POLR3B: variants seen among roughly 807,000 people sequenced by gnomAD.
POLR3B encodes DNA-directed RNA polymerase III subunit RPC2.
In POLR3B, 96 loss-of-function variants were observed where a neutral mutation model predicts 147.4. The ratio of observed to expected loss-of-function variants is 0.65; its 90% confidence interval spans 0.55 to 0.77. POLR3B has a LOEUF of 0.77. Among genes scored for constraint, POLR3B ranks in the 30% least tolerant of loss-of-function variants. POLR3B has a pLI of 0.00. For missense variants in POLR3B, 1,036 were observed against 1,413.5 expected (o/e 0.73, Z 4.28); for synonymous variants, 461 against 485.9 (o/e 0.95, Z 0.67).
chr12:106,490,712 C>T (rs922581047), intron 23 of POLR3B, among the ~76,000 whole-genome samples: 7 of 152,114 alleles, frequency 4.6e-5, no homozygotes, highest in South Asian at 2.1e-4. Flanking sequence ...AGGGGAAGAA[C>T]GGAATAACCA....
At chr12:106,430,546 G>T in intron 14 of POLR3B, 73 bp downstream of exon 14, 2 of 1,209,238 alleles carry the variant, frequency 1.7e-6, no homozygotes, top group Non-Finnish European at 2.4e-6. Flanking sequence ...GGGGTGGGGA[G>T]GTCTGCTTCT....
At chr12:106,414,826 C>T (rs916333036) in intron 12 of POLR3B, among the ~76,000 whole-genome samples, 1 of 152,128 alleles carries the variant, frequency 6.6e-6, no homozygotes, top group Non-Finnish European at 1.5e-5. Flanking sequence ...TAATAAGATG[C>T]CCCAGATATA....
At chr12:106,426,839 T>TCCCCCCCCCC (rs67180409) in intron 12 of POLR3B, among the ~76,000 whole-genome samples, 3 of 25,290 alleles carry the variant, frequency 1.2e-4, no homozygotes, top group Non-Finnish European at 2.1e-4. Context: ...TTCTCCACCG[T>TCCCCCCCCCC]CCCCCCCCCC....
intron 9 of POLR3B, among the ~76,000 whole-genome samples, chr12:106,392,544 GTTTTAGGAAAAATTCTTTTCCT>G (rs1463019002): frequency 1.3e-5 from 2 of 152,176 alleles, no homozygotes; most frequent in Admixed American, 1.3e-4. Flanking sequence ...GGTAAAACGT[GTTTTAGGAAAAATTCTTTTCCT>G]TTTTAGGAAA....
intron 23 of POLR3B, among the ~76,000 whole-genome samples, chr12:106,480,521 G>A (rs2038252027): frequency 6.6e-6 from 1 of 152,124 alleles, no homozygotes; most frequent in African/African-American, 2.4e-5. Flanking sequence ...TCAGTGCATA[G>A]ACTTTAATTC....
chr12:106,425,111 T>C (rs1180198378), intron 12 of POLR3B, among the ~76,000 whole-genome samples: 1 of 152,228 alleles, frequency 6.6e-6, no homozygotes, highest in African/African-American at 2.4e-5. Flanking sequence ...TTATTTATCT[T>C]GTCCTATGGA....
In POLR3B at chr12:106,357,942, G is replaced by A. The variant is rs762535171; in HGVS notation, c.63G>A (p.Pro21=). 6.2e-7 allele frequency: 1 copy of A among 1,612,924 alleles called. No individual in the cohort carries two copies. Among genetic ancestry groups the A allele is most frequent in the Non-Finnish European group, 8.5e-7 (1 of 1,179,924 alleles). The change falls in exon 1 of 28, where the codon CCG becomes CCA. Residue 21 remains proline, a synonymous_variant. Transcript: ENST00000228347. The part of the protein sequence containing the change: ...LTPEQLAAPI[P]TVEEKWRLLP... ...CGGAGCAGCTGGCGGCGCCGATCCC[G>A]ACTGTAGAGGTCAGTGCCAGGCACG...
At chr12:106,499,986 C>A (rs1003044194) in intron 25 of POLR3B, 16 of 421,944 alleles carry the variant, frequency 3.8e-5, no homozygotes, top group Non-Finnish European at 7.6e-5. Context: ...TGCTGTACCC[C>A]AGAGTTTACT....
intron 23 of POLR3B, among the ~76,000 whole-genome samples, chr12:106,480,398 G>T (rs903352600): frequency 3.3e-5 from 5 of 152,178 alleles, no homozygotes; most frequent in Non-Finnish European, 7.3e-5. Flanking sequence ...AACATACTAG[G>T]ATCTTTCTAA....
intron 23 of POLR3B, among the ~76,000 whole-genome samples, chr12:106,469,695 T>TAA (rs1488598137): frequency 6.6e-6 from 1 of 152,198 alleles, no homozygotes; most frequent in Non-Finnish European, 1.5e-5. Context: ...ATTTTATTTC[T>TAA]CCTTCACTTA....
At chr12:106,503,718 G>T (rs116030013) in intron 26 of POLR3B, among the ~76,000 whole-genome samples, 1 of 152,148 alleles carries the variant, frequency 6.6e-6, no homozygotes. Flanking sequence ...TAAAGACATT[G>T]TTTCCTGATT....
At chr12:106,378,811 ACC>A (rs2036717959) in intron 8 of POLR3B, among the ~76,000 whole-genome samples, 1 of 152,016 alleles carries the variant, frequency 6.6e-6, no homozygotes, top group Non-Finnish European at 1.5e-5. Flanking sequence ...TGGACTTAAC[ACC>A]CTATTGTTAG....
At chr12:106,434,693 C>T (rs2037553453) in intron 16 of POLR3B, among the ~76,000 whole-genome samples, 1 of 152,084 alleles carries the variant, frequency 6.6e-6, no homozygotes, top group African/African-American at 2.4e-5. Context: ...CTGTGTATAC[C>T]TCGGGTAGTG....
chr12:106,433,858 G>A lies in POLR3B; in HGVS notation c.1767G>A (p.Gly589=). The A allele has an allele frequency of 6.2e-7, 1 of 1,613,420 alleles. No homozygotes were observed. Among genetic ancestry groups the A allele is most frequent in the Non-Finnish European group, 8.5e-7 (1 of 1,179,526 alleles). Residue 589 remains glycine, a synonymous_variant, in exon 16 of 28, where the codon GGG becomes GGA. Transcript: ENST00000228347. ...GATGTGTCTATATTTCTTCTGATGGGGGAAGGCTATGCAGGTATATATGCA... is the reference window on the plus strand; with the variant it reads ...GATGTGTCTATATTTCTTCTGATGGAGGAAGGCTATGCAGGTATATATGCA... ...TDRCVYISSD[G]GRLCRPYIIV... is the part of the protein sequence containing the mutation.
chr12:106,369,197 A>G (rs1372555774), intron 4 of POLR3B, 78 bp from the exon 5 acceptor site: 6 of 812,098 alleles, frequency 7.4e-6, no homozygotes, highest in Non-Finnish European at 1.3e-5. Flanking sequence ...TAATCTTTGT[A>G]TTTGGAAGGA....
intron 12 of POLR3B, among the ~76,000 whole-genome samples, chr12:106,425,075 T>G (rs2037418884): frequency 6.6e-6 from 1 of 152,232 alleles, no homozygotes; most frequent in African/African-American, 2.4e-5. Flanking sequence ...TTTTATTGCT[T>G]CTTTTCCAAT....
At chr12:106,371,785 G>A (rs2036610982) in intron 6 of POLR3B, among the ~76,000 whole-genome samples, 1 of 129,342 alleles carries the variant, frequency 7.7e-6, no homozygotes, top group South Asian at 2.5e-4. Flanking sequence ...TCTGGGAACT[G>A]TTGTGGGGTT....
chr12:106,413,477 T>G (rs1281550302), intron 12 of POLR3B, among the ~76,000 whole-genome samples: 2 of 152,166 alleles, frequency 1.3e-5, no homozygotes, highest in Non-Finnish European at 2.9e-5. Flanking sequence ...GCCATGTACC[T>G]TATAGGATTG....
At chr12:106,500,225 A>T in intron 25 of POLR3B, 1 of 454,376 alleles carries the variant, frequency 2.2e-6, no homozygotes, top group South Asian at 1.6e-5. Flanking sequence ...AAAATTTTTT[A>T]AGACATCAGT....
Sources: gnomAD v4.1 joint callset for allele counts (sites outside exome capture counted in the v4.1 genomes callset) on GRCh38, gnomAD v4.1.1 for gene constraint, MANE v1.5 for transcripts, NCBI Gene and HGNC (gene_info 2026-07-23, HGNC 2026-07-21) for gene names.